Variants in PEX19 observed in about 807,000 individuals in gnomAD.
The protein encoded by PEX19 is peroxisomal biogenesis factor 19, also known as 33 kDa housekeeping protein.
PEX19 carries 29 observed loss-of-function variants against 36.3 expected under a neutral mutation model. The observed-to-expected ratio is 0.80, with a 90% CI of 0.60 to 1.09. The LOEUF (loss-of-function observed/expected upper bound fraction) is 1.09, where lower values mean the gene tolerates loss of function less well. Ranked by LOEUF, PEX19 falls within the 50% of genes least tolerant of loss-of-function variation. The pLI, the probability that PEX19 is intolerant of heterozygous loss-of-function variation, is 0.00. For synonymous variants in PEX19, 141 were observed against 135.2 expected (o/e 1.04, Z -0.30); for missense variants, 396 against 368.1 (o/e 1.08, Z -0.62).
rs924073565 is a variant in PEX19, at chr1:160,278,385, G to A, written c.*1166C>T. 3 of 673,332 alleles carry A rather than the reference G, an allele frequency of 4.5e-6. No homozygotes were observed. Among genetic ancestry groups the A allele is most frequent in the South Asian group, 3.0e-5 (2 of 66,458 alleles). 41.7% of individuals were successfully genotyped at this position (673,332 alleles called of 1,614,324 possible). The stretch of plus-strand genomic sequence containing the variant: ...TGAGTTGTGGAAGGTGGGTGTTGAT[G>A]GAACCCAGCATTACAATATTGTGTA... On this transcript the variant is annotated 3_prime_UTR_variant, in exon 8 of 8. Coordinates refer to ENST00000368072, the MANE Select transcript of PEX19 (RefSeq NM_002857.4).
intron 5 of PEX19, 30 bp downstream of exon 5, chr1:160,282,009 G>A: frequency 6.2e-7 from 1 of 1,600,770 alleles, no homozygotes; most frequent in Non-Finnish European, 8.6e-7. Flanking sequence ...GGAAAATGAA[G>A]AGAAAAAGCA....
At position 160,279,662 on chromosome 1, in the gene PEX19, A is replaced by G. The variant is rs376053422; in HGVS notation, c.817-28T>C. The G allele has an allele frequency of 1.7e-5, 27 of 1,594,260 alleles. No homozygotes were observed. The African/African-American group carries it at 3.5e-4, about 21-fold the overall frequency. Reference sequence around the variant, plus strand: ...GGGGAAGAGATGAAGGGACTCAGATAGTTGCTCATTTTTTAGGACAGACGT... The same window carrying G: ...GGGGAAGAGATGAAGGGACTCAGATGGTTGCTCATTTTTTAGGACAGACGT... On this transcript the variant is annotated intron_variant, in intron 7 of 7. Transcript: ENST00000368072.
chr1:160,284,971 T>C (rs1185126513), intron 1 of PEX19, 84 bp downstream of exon 1: 2 of 1,016,674 alleles, frequency 2.0e-6, no homozygotes, highest in African/African-American at 3.1e-5. Flanking sequence ...CTCCTGCCCG[T>C]CCCTAATATC....
chr1:160,282,331 A>G, intron 4 of PEX19, 86 bp downstream of exon 4: 1 of 1,411,520 alleles, frequency 7.1e-7, no homozygotes, highest in Non-Finnish European at 1.0e-6. Flanking sequence ...ACTTGGGATG[A>G]TACTCAAAGC....
chr1:160,280,650 C>G (rs1215706762), intron 5 of PEX19, among the ~76,000 whole-genome samples: 1 of 151,940 alleles, frequency 6.6e-6, no homozygotes, highest in African/African-American at 2.4e-5. Flanking sequence ...CCCCAAGTAG[C>G]TGGGTCTACA....
In PEX19 at chr1:160,280,181, C is replaced by G; in HGVS notation, c.660G>C (p.Glu220Asp). 1 of 1,613,724 alleles carries G rather than the reference C, an allele frequency of 6.2e-7. No homozygotes were observed. The highest frequency in any genetic ancestry group is 8.5e-7 in the Non-Finnish European group (1 of 1,179,640). ...LPPEQFEKYQ[E>D]QHSVMCKICE... is the part of the protein sequence containing the mutation. ...ATATTTTGCACATGACGCTGTGCTG[C>G]TCCTGATATTTTTCAAACTGCTCTG... Residue 220 changes from glutamate to aspartate, a missense_variant, in exon 6 of 8, where the codon GAG becomes GAC. Coordinates refer to ENST00000368072, the MANE Select transcript of PEX19 (RefSeq NM_002857.4).
chr1:160,276,994 A>G lies in PEX19; in HGVS notation c.*2557T>C. The G allele has an allele frequency of 2.2e-6, 1 of 454,124 alleles. No homozygotes were observed. Among genetic ancestry groups the G allele is most frequent in the Non-Finnish European group, 4.4e-6 (1 of 226,794 alleles). The allele number at this position is 454,124 out of a possible 1,614,324, so 28.1% of individuals were successfully genotyped here. On this transcript the variant is annotated 3_prime_UTR_variant, in exon 8 of 8. Coordinates refer to ENST00000368072, the MANE Select transcript of PEX19 (RefSeq NM_002857.4). ...GTAACGATTATTTTTGAGCAGCAGA[A>G]AAGGAAGGCTAGAGAAATGCTAGAG...
rs747057473 is a variant in PEX19 at position 160,278,538 on chromosome 1, C to T, written c.*1013G>A. ...ATGGGGCCTTGCAGGAAAAGGGACC[C>T]AAGCTATACCCCTACTCCTTTTCCA... On this transcript the variant is annotated 3_prime_UTR_variant, in exon 8 of 8. Coordinates refer to ENST00000368072, the MANE Select transcript of PEX19 (RefSeq NM_002857.4). The T allele has an allele frequency of 9.2e-5, 43 of 469,356 alleles. No homozygotes were observed. The highest frequency in any genetic ancestry group is 1.6e-4 in the Non-Finnish European group (38 of 237,464). The allele number at this position is 469,356 out of a possible 1,614,324, so 29.1% of individuals were successfully genotyped here.
At chr1:160,284,412 AGGAAGTCAACAGG>A (rs1657916078) in intron 1 of PEX19, among the ~76,000 whole-genome samples, 1 of 152,200 alleles carries the variant, frequency 6.6e-6, no homozygotes, top group Non-Finnish European at 1.5e-5. Flanking sequence ...TACTCTGGGC[AGGAAGTCAACAGG>A]GGAGTGGAGA....
chr1:160,277,520 C>T lies in PEX19; in HGVS notation c.*2031G>A. ...CTCCACCACAAGTCCTGGAATAATT[C>T]CAAAAGTTTTTGGAACAAAGTGTGA... On this transcript the variant is annotated 3_prime_UTR_variant, in exon 8 of 8. Coordinates refer to ENST00000368072, the MANE Select transcript of PEX19 (RefSeq NM_002857.4). 2.2e-6 allele frequency: 1 copy of T among 455,312 alleles called. No individual in the cohort carries two copies. Among genetic ancestry groups the T allele is most frequent in the Non-Finnish European group, 4.4e-6 (1 of 226,800 alleles). The allele number at this position is 455,312 out of a possible 1,614,324, so 28.2% of individuals were successfully genotyped here.
rs1657649249 is a variant in PEX19, at chr1:160,278,981, C to T, written c.*570G>A. 4.4e-6 allele frequency: 2 copies of T among 454,040 alleles called. No homozygotes were observed. The highest frequency in any genetic ancestry group is 8.8e-6 in the Non-Finnish European group (2 of 226,818). 28.1% of individuals were successfully genotyped at this position (454,040 alleles called of 1,614,324 possible). ...GAGAATCCTAAGGCCTCTCTTTCAA[C>T]TCTATTGTGATTAGATGCAAAAGCC... On this transcript the variant is annotated 3_prime_UTR_variant, in exon 8 of 8. Transcript: ENST00000368072.
In PEX19 at chr1:160,278,437, C is replaced by G; in HGVS notation, c.*1114G>C. The G allele has an allele frequency of 1.7e-6, 1 of 592,164 alleles. No individual in the cohort carries two copies. 36.7% of individuals were successfully genotyped at this position (592,164 alleles called of 1,614,324 possible). A position where few individuals can be genotyped will look rare whatever the true frequency, so the allele number is the denominator to read the frequency against. On this transcript the variant is annotated 3_prime_UTR_variant, in exon 8 of 8. Coordinates refer to ENST00000368072, the MANE Select transcript of PEX19 (RefSeq NM_002857.4). ...AACTAGTCTCCTAATATACCTCACT[C>G]TGCAACTTACGGAAGCTGAGGAAGA...
At position 160,277,625 on chromosome 1, in the gene PEX19, G is replaced by A. The variant is rs758503661; in HGVS notation, c.*1926C>T. ...GGGAACAAAGATAAAGTGGACTAGG[G>A]CATCTATTTAGATTCCTGGAGTAAG... On this transcript the variant is annotated 3_prime_UTR_variant, in exon 8 of 8. Coordinates refer to ENST00000368072, the MANE Select transcript of PEX19 (RefSeq NM_002857.4). The A allele has an allele frequency of 1.8e-5, 8 of 454,158 alleles. 1 individual carries two copies. Among genetic ancestry groups the A allele is most frequent in the African/African-American group, 1.6e-4 (8 of 50,006 alleles). 28.1% of individuals were successfully genotyped at this position (454,158 alleles called of 1,614,324 possible).
chr1:160,277,114 T>A lies in PEX19; in HGVS notation c.*2437A>T, dbSNP rs1210590549. On this transcript the variant is annotated 3_prime_UTR_variant, in exon 8 of 8. Coordinates refer to ENST00000368072, the MANE Select transcript of PEX19 (RefSeq NM_002857.4). ...ACAAGAGATACAGGTAGGTATCAGT[T>A]CTGCTAGGGTCTTCAGAGAGACCGA... is the stretch of plus-strand genomic sequence containing the variant. 2.2e-6 allele frequency: 1 copy of A among 453,862 alleles called. No homozygotes were observed. The highest frequency in any genetic ancestry group is 4.4e-6 in the Non-Finnish European group (1 of 226,776). The allele number at this position is 453,862 out of a possible 1,614,324, so 28.1% of individuals were successfully genotyped here. A position where few individuals can be genotyped will look rare whatever the true frequency, so the allele number is the denominator to read the frequency against.
At position 160,279,338 on chromosome 1, in the gene PEX19, A is replaced by C. The variant is rs1405270111; in HGVS notation, c.*213T>G. 1 of 688,776 alleles carries C rather than the reference A, an allele frequency of 1.5e-6. No individual in the cohort carries two copies. The highest frequency in any genetic ancestry group is 1.8e-5 in the African/African-American group (1 of 57,056). 42.7% of individuals were successfully genotyped at this position (688,776 alleles called of 1,614,324 possible). A position where few individuals can be genotyped will look rare whatever the true frequency, so the allele number is the denominator to read the frequency against. Reference sequence around the variant, plus strand: ...TTGATAGTGGCAGAAACCACAATGGAGTAGGGTTCACAGAAATGGCCTGTG... The same window carrying C: ...TTGATAGTGGCAGAAACCACAATGGCGTAGGGTTCACAGAAATGGCCTGTG... On this transcript the variant is annotated 3_prime_UTR_variant, in exon 8 of 8. Coordinates refer to ENST00000368072, the MANE Select transcript of PEX19 (RefSeq NM_002857.4).
chr1:160,283,609 G>A lies in PEX19; in HGVS notation c.101C>T (p.Pro34Leu). 2 of 1,614,110 alleles carry A rather than the reference G, an allele frequency of 1.2e-6. No homozygotes were observed. Among genetic ancestry groups the A allele is most frequent in the Non-Finnish European group, 8.5e-7 (1 of 1,179,956 alleles). Residue 34 changes from proline (P) to leucine (L), a missense_variant, in exon 2 of 8, where the codon CCC becomes CTC. Physicochemically the swap from Pro to Leu is moderately conservative, Grantham distance 98 (BLOSUM62 -3). Transcript: ENST00000368072. ...SALDDFDKAKPSPAPPSTTTA... is the reference protein window; with the variant it reads ...SALDDFDKAKLSPAPPSTTTA... ...GGTGGTAGAAGGGGGTGCTGGGGAGGGTTTGGCTTTATCGAAATCATCAAG... is the reference window on the plus strand; with the variant it reads ...GGTGGTAGAAGGGGGTGCTGGGGAGAGTTTGGCTTTATCGAAATCATCAAG...
rs1453326633 is a variant in PEX19 at position 160,283,025 on chromosome 1, T to C, written c.265A>G (p.Lys89Glu). 1.2e-6 allele frequency: 2 copies of C among 1,614,070 alleles called. No homozygotes were observed. The highest frequency in any genetic ancestry group is 3.3e-5 in the Admixed American group (2 of 60,004). Reference protein sequence around the residue: ...LASQATAEFEKAMKELAEEEP... With the variant: ...LASQATAEFEEAMKELAEEEP... Reference sequence around the variant, plus strand: ...TCCTCAGCCAACTCCTTCATTGCCTTCTCGAACTCCGCAGTGGCTTGGGAA... The same window carrying C: ...TCCTCAGCCAACTCCTTCATTGCCTCCTCGAACTCCGCAGTGGCTTGGGAA... The change falls in exon 3 of 8, where the codon AAG (lysine) becomes GAG (glutamate). Residue 89 changes from lysine to glutamate, a missense_variant. By Grantham distance (56) the Lys-to-Glu change is moderately conservative. Coordinates refer to ENST00000368072, the MANE Select transcript of PEX19 (RefSeq NM_002857.4).
intron 5 of PEX19, 59 bp downstream of exon 5, chr1:160,281,980 C>T (rs1325824808): frequency 1.4e-6 from 2 of 1,395,728 alleles, no homozygotes; most frequent in African/African-American, 1.4e-5. Context: ...ACAAAATAGC[C>T]CACATCAGTT....
rs767540838 is a variant in PEX19, at chr1:160,279,439, G to T, written c.*112C>A. 1 of 853,494 alleles carries T rather than the reference G, an allele frequency of 1.2e-6. No individual in the cohort carries two copies. Among genetic ancestry groups the T allele is most frequent in the East Asian group, 2.4e-5 (1 of 41,390 alleles). The allele number at this position is 853,494 out of a possible 1,614,324, so 52.9% of individuals were successfully genotyped here. On this transcript the variant is annotated 3_prime_UTR_variant, in exon 8 of 8. Transcript: ENST00000368072. ...CACAATCTTGAATGGGATGACAGAGGGCAGCGGGCAGACTTCTCCCGCAGG... is the reference window on the plus strand; with the variant it reads ...CACAATCTTGAATGGGATGACAGAGTGCAGCGGGCAGACTTCTCCCGCAGG...
Sources: gnomAD v4.1 joint callset for allele counts (sites outside exome capture counted in the v4.1 genomes callset) on GRCh38, gnomAD v4.1.1 for gene constraint, MANE v1.5 for transcripts, NCBI Gene and HGNC (gene_info 2026-07-23, HGNC 2026-07-21) for gene names.